Variants in ZBTB34 observed in about 807,000 individuals in gnomAD.
ZBTB34 encodes the protein zinc finger and BTB domain containing 34.
Under a neutral mutation model 33.4 loss-of-function variants are expected in ZBTB34, and 1 was observed. The ratio of observed to expected loss-of-function variants is 0.03; its 90% CI spans 0.01 to 0.14. ZBTB34 has a LOEUF of 0.14. Ranked by LOEUF, ZBTB34 falls within the 10% of genes least tolerant of loss-of-function variation. The pLI is 1.00. For synonymous variants in ZBTB34, 283 were observed against 253.5 expected, an observed-to-expected ratio of 1.12 and a Z score of -1.11; for missense variants, 406 against 657.2, an observed-to-expected ratio of 0.62 and a Z score of 4.18.
At chr9:126,877,187 C>T (rs1449294675) in intron 1 of ZBTB34, among the ~76,000 whole-genome samples, 1 of 151,940 alleles carries the variant, frequency 6.6e-6, no homozygotes, top group Non-Finnish European at 1.5e-5. Flanking sequence ...TGTTGTTTTT[C>T]GAAACTCCCA....
chr9:126,880,227 G>A lies in ZBTB34; in HGVS notation c.828G>A (p.Val276=). ...GGGAACAAGTTGTGGCAGTGAATGT[G>A]GGCTCCTATGGTTCTGTGCTCCAGC... Residue 276 remains valine, a synonymous_variant, in exon 2 of 2, where the codon GTG becomes GTA. Transcript: ENST00000319119. The surrounding 1 kb of genome is among the most constrained non-coding windows in gnomAD (Gnocchi z 6.7). 1 of 1,613,794 alleles carries A rather than the reference G, an allele frequency of 6.2e-7. No homozygotes were observed. The highest frequency in any genetic ancestry group is 1.7e-4 in the Middle Eastern group (1 of 6,060).
chr9:126,884,968 T>C (rs2033500794), exon 2 of ZBTB34: 1 of 167,038 alleles, frequency 6.0e-6, no homozygotes, highest in South Asian at 2.1e-4. Flanking sequence ...TCTAGACTGG[T>C]CAGGGTTATT....
rs976707882 is a variant in ZBTB34 at position 126,879,693 on chromosome 9, G to A, written c.294G>A (p.Leu98=). The A allele has an allele frequency of 1.9e-6, 3 of 1,613,488 alleles. No individual in the cohort carries two copies. The African/African-American group carries it at 4.0e-5, about 22-fold the overall frequency. ...TTTGTTACACTGGAAGAATGTCCTT[G>A]CAGCTGAAGGATGTTGTCAGTTTTC... Residue 98 remains leucine (L), a synonymous_variant, in exon 2 of 2, where the codon TTG becomes TTA. Coordinates refer to ENST00000319119, the Ensembl canonical transcript of ZBTB34. The surrounding 1 kb of genome is among the most constrained non-coding windows in gnomAD (Gnocchi z 6.4).
intron 1 of ZBTB34, among the ~76,000 whole-genome samples, chr9:126,866,617 A>G (rs1272003595): frequency 6.6e-6 from 1 of 152,124 alleles, no homozygotes; most frequent in Non-Finnish European, 1.5e-5. Flanking sequence ...TTTTTGGTCA[A>G]AAGTAATCAG....
At chr9:126,872,428 T>G (rs1023661359) in intron 1 of ZBTB34, among the ~76,000 whole-genome samples, 3 of 152,090 alleles carry the variant, frequency 2.0e-5, no homozygotes, top group Non-Finnish European at 2.9e-5. Context: ...AAAATGTAAT[T>G]CAAAATTGAT....
At chr9:126,867,447 C>CTTTTTTTTTTTTTTTTTCTTTTTTT (rs201325256) in intron 1 of ZBTB34, among the ~76,000 whole-genome samples, 1 of 119,512 alleles carries the variant, frequency 8.4e-6, no homozygotes, top group Non-Finnish European at 1.8e-5. Flanking sequence ...TGTCATTTTT[C>CTTTTTTTTTTTTTTTTTCTTTTTTT]TTTTTTTTTT....
rs185408962 is a variant in ZBTB34, at chr9:126,874,988, A to G, written c.-10-4402A>G. Among the ~76,000 whole-genome samples, 116 of 152,306 alleles carry G rather than the reference A, an allele frequency of 7.6e-4. 1 individual carries two copies. The highest frequency in any genetic ancestry group is 3.4e-3 in the Middle Eastern group (1 of 294). On this transcript the variant is annotated intron_variant, in intron 1 of 1. Coordinates refer to ENST00000319119, the Ensembl canonical transcript of ZBTB34. ...TACTTAGCCAATGAATTATAGCCCA[A>G]TCACACATTTTGACATCTATAAGTT...
At chr9:126,881,171 A>T (rs1385015478) in exon 2 of ZBTB34, 7 of 436,530 alleles carry the variant, frequency 1.6e-5, no homozygotes, top group Non-Finnish European at 2.6e-5. Flanking sequence ...TGAACTCTTA[A>T]TCCAAAATCT....
rs777644281 is a variant in ZBTB34, at chr9:126,880,887, TCA to T, written c.1493_1494del (p.Thr498SerfsTer3). The T allele has an allele frequency of 1.1e-5, 18 of 1,612,400 alleles. No homozygotes were observed. Among genetic ancestry groups the T allele is most frequent in the South Asian group, 2.2e-5 (2 of 91,044 alleles). ...TGGGCCTAGATTCCCGGATGGAAAT[TCA>T]CACAGTGTCTGATGCTCCCGATTAA... On this transcript the variant is annotated frameshift_variant, in exon 2 of 2. Transcript: ENST00000319119. LOFTEE classifies it high-confidence loss of function. The surrounding 1 kb of genome is among the most constrained non-coding windows in gnomAD (Gnocchi z 6.7).
At chr9:126,865,687 A>G (rs2033191259) in intron 1 of ZBTB34, among the ~76,000 whole-genome samples, 1 of 152,300 alleles carries the variant, frequency 6.6e-6, no homozygotes, top group African/African-American at 2.4e-5. Context: ...TTTTACTTAA[A>G]GATACTAGCC....
exon 2 of ZBTB34, chr9:126,881,493 C>G (rs2033441104): frequency 6.0e-6 from 1 of 166,732 alleles, no homozygotes; most frequent in South Asian, 2.1e-4. Flanking sequence ...GCTTCTGAGT[C>G]TATCTCATCC....
At chr9:126,869,411 A>C (rs2033249551) in intron 1 of ZBTB34, among the ~76,000 whole-genome samples, 1 of 152,150 alleles carries the variant, frequency 6.6e-6, no homozygotes, top group Non-Finnish European at 1.5e-5. Context: ...GGGAGGATTC[A>C]GAGACATACT....
intron 1 of ZBTB34, among the ~76,000 whole-genome samples, chr9:126,873,104 C>G (rs2033302863): frequency 2.0e-5 from 3 of 152,138 alleles, no homozygotes; most frequent in Admixed American, 6.5e-5. Flanking sequence ...CTGAACCCAC[C>G]TTCCTTTTGT....
chr9:126,864,072 C>T (rs2033172973), intron 1 of ZBTB34, among the ~76,000 whole-genome samples: 1 of 152,166 alleles, frequency 6.6e-6, no homozygotes, highest in Non-Finnish European at 1.5e-5. Flanking sequence ...TCTCTTTCTA[C>T]TCGGAGTTGA....
At chr9:126,881,169 T>C (rs2033435388) in exon 2 of ZBTB34, 1 of 445,324 alleles carries the variant, frequency 2.2e-6, no homozygotes, top group African/African-American at 2.0e-5. Context: ...GCTGAACTCT[T>C]AATCCAAAAT....
intron 1 of ZBTB34, among the ~76,000 whole-genome samples, chr9:126,878,639 A>G (rs1241477231): frequency 6.6e-6 from 1 of 152,116 alleles, no homozygotes; most frequent in African/African-American, 2.4e-5. Flanking sequence ...TATTGTATCC[A>G]GTGTGCTACA....
intron 1 of ZBTB34, among the ~76,000 whole-genome samples, chr9:126,861,825 A>G (rs1424842342): frequency 2.0e-5 from 3 of 152,164 alleles, no homozygotes; most frequent in Non-Finnish European, 4.4e-5. Context: ...TTATTGCAAC[A>G]GCTTCTAAGC....
At chr9:126,867,699 C>T (rs993413505) in intron 1 of ZBTB34, among the ~76,000 whole-genome samples, 2 of 149,786 alleles carry the variant, frequency 1.3e-5, no homozygotes, top group Admixed American at 6.6e-5. Context: ...AGATTTATGT[C>T]ATGCTTGGAA....
At chr9:126,871,794 T>G (rs538587253) in intron 1 of ZBTB34, among the ~76,000 whole-genome samples, 1 of 152,210 alleles carries the variant, frequency 6.6e-6, no homozygotes, top group East Asian at 1.9e-4. Context: ...TTCTACCATA[T>G]GCATATATTG....
Sources: gnomAD v4.1 joint callset for allele counts (sites outside exome capture counted in the v4.1 genomes callset) on GRCh38, gnomAD v4.1.1 for gene constraint, Gnocchi (gnomAD v3.1) non-coding constraint, MANE v1.5 for transcripts, NCBI Gene and HGNC (gene_info 2026-07-23, HGNC 2026-07-21) for gene names.